Variants in COL23A1 observed in about 807,000 individuals in gnomAD.
COL23A1 encodes the protein collagen alpha-1(XXIII) chain.
COL23A1 carries 97 observed loss-of-function variants against 99.3 expected under a neutral mutation model. That is an observed-to-expected ratio of 0.98 (90% CI 0.83 to 1.16). The LOEUF (loss-of-function observed/expected upper bound fraction) is 1.16, where lower values mean the gene tolerates loss of function less well. Ranked by LOEUF, COL23A1 falls within the 50% of genes most tolerant of loss-of-function variation. The probability of loss-of-function intolerance (pLI) is 0.00; values close to 1 mark genes in which losing one functional copy is unlikely to be tolerated. For missense variants in COL23A1, 762 were observed against 757.4 expected (o/e 1.01, Z -0.07); for synonymous variants, 320 against 308.2 (o/e 1.04, Z -0.40).
At position 178,390,533 on chromosome 5, in the gene COL23A1, C is replaced by G. The variant is rs575051612; in HGVS notation, c.362-83614G>C. ...TGCACAGGACAATGAAGGGCAGAGA[C>G]AGCACAATAGAGACCCCTGCAAGGC... On this transcript the variant is annotated intron_variant, in intron 2 of 28. Transcript: ENST00000390654. Among the ~76,000 whole-genome samples the G allele has an allele frequency of 7.9e-5, 12 of 152,358 alleles. 1 individual carries two copies. The South Asian group carries it at 1.4e-3, about 18-fold the overall frequency.
At chr5:178,465,800 C>A (rs1756385502) in intron 2 of COL23A1, among the ~76,000 whole-genome samples, 1 of 152,214 alleles carries the variant, frequency 6.6e-6, no homozygotes, top group African/African-American at 2.4e-5. Context: ...GGGGATTCAA[C>A]AGCAGTGAGT....
intron 2 of COL23A1, among the ~76,000 whole-genome samples, chr5:178,505,390 C>T (rs1185343808): frequency 6.6e-6 from 1 of 152,066 alleles, no homozygotes; most frequent in Admixed American, 6.6e-5. Context: ...CCTGGGATTA[C>T]AGGCGCACAC....
At chr5:178,419,672 C>T (rs977762933) in intron 2 of COL23A1, among the ~76,000 whole-genome samples, 20 of 152,142 alleles carry the variant, frequency 1.3e-4, no homozygotes, top group African/African-American at 4.3e-4. Context: ...TAAATATGGC[C>T]TGAGAAGGAC....
At chr5:178,397,460 C>G (rs1029665860) in intron 2 of COL23A1, among the ~76,000 whole-genome samples, 1 of 152,164 alleles carries the variant, frequency 6.6e-6, no homozygotes, top group Non-Finnish European at 1.5e-5. Context: ...AACGAAGAAG[C>G]CAAAGTCATC....
intron 2 of COL23A1, among the ~76,000 whole-genome samples, chr5:178,518,474 C>T (rs1389049080): frequency 3.9e-4 from 57 of 145,850 alleles, no homozygotes; most frequent in African/African-American, 8.1e-4. Context: ...TAGGGGCGGC[C>T]GGGCAGAGGC....
At chr5:178,345,008 T>G in intron 2 of COL23A1, 1 of 576,236 alleles carries the variant, frequency 1.7e-6, no homozygotes, top group Non-Finnish European at 3.4e-6. Context: ...TCCACCCTCA[T>G]GAAGCTGAGG....
chr5:178,347,907 AC>A (rs1345389015), intron 2 of COL23A1, among the ~76,000 whole-genome samples: 4 of 150,300 alleles, frequency 2.7e-5, no homozygotes, highest in Non-Finnish European at 4.4e-5. Flanking sequence ...ACCCAAAAAA[AC>A]AAAACAAAAA....
At chr5:178,352,866 C>T (rs144036294) in intron 2 of COL23A1, among the ~76,000 whole-genome samples, 103 of 152,264 alleles carry the variant, frequency 6.8e-4, no homozygotes, top group African/African-American at 2.4e-3. Context: ...CCTCCTCACA[C>T]CGAATATTTT....
intron 2 of COL23A1, among the ~76,000 whole-genome samples, chr5:178,534,195 C>T (rs1477381116): frequency 6.6e-6 from 1 of 152,128 alleles, no homozygotes; most frequent in Non-Finnish European, 1.5e-5. Flanking sequence ...GCCACAGGCT[C>T]AGAGGCCAGT....
intron 2 of COL23A1, among the ~76,000 whole-genome samples, chr5:178,528,851 C>T (rs1222334250): frequency 1.3e-5 from 2 of 152,226 alleles, no homozygotes; most frequent in African/African-American, 4.8e-5. Flanking sequence ...TTGCACTTCT[C>T]CCGAAATGAA....
intron 2 of COL23A1, among the ~76,000 whole-genome samples, chr5:178,370,826 C>T (rs1762760936): frequency 6.6e-6 from 1 of 152,174 alleles, no homozygotes; most frequent in South Asian, 2.1e-4. Flanking sequence ...CCTGCAGTCC[C>T]AGCTACTCAA....
chr5:178,383,002 G>C (rs889914347), intron 2 of COL23A1, among the ~76,000 whole-genome samples: 1 of 152,124 alleles, frequency 6.6e-6, no homozygotes, highest in Non-Finnish European at 1.5e-5. Flanking sequence ...CACCTGTCGG[G>C]GCTGGCTGGG....
At chr5:178,311,237 A>T (rs1466385126) in intron 2 of COL23A1, among the ~76,000 whole-genome samples, 1 of 151,838 alleles carries the variant, frequency 6.6e-6, no homozygotes, top group Non-Finnish European at 1.5e-5. Context: ...ACTGGTGGGG[A>T]AGCTGTGTCT....
In COL23A1 at chr5:178,261,764, A is replaced by G. The variant is rs561902247; in HGVS notation, c.676-16T>C. ...CCTTTGGGCCCTGGAACAAGAGAAGAGAAGGTGTTAAATGTCATACTGGAG... is the reference window on the plus strand; with the variant it reads ...CCTTTGGGCCCTGGAACAAGAGAAGGGAAGGTGTTAAATGTCATACTGGAG... On this transcript the variant is annotated splice_polypyrimidine_tract_variant and intron_variant, in intron 10 of 28. Coordinates refer to ENST00000390654, the MANE Select transcript of COL23A1 (RefSeq NM_173465.4). 1 of 1,601,660 alleles carries G rather than the reference A, an allele frequency of 6.2e-7. No homozygotes were observed. Among genetic ancestry groups the G allele is most frequent in the Non-Finnish European group, 8.6e-7 (1 of 1,168,562 alleles).
At position 178,496,940 on chromosome 5, in the gene COL23A1, T is replaced by C. The variant is rs1291108222; in HGVS notation, c.361+63742A>G. On this transcript the variant is annotated intron_variant, in intron 2 of 28. Transcript: ENST00000390654. ...TGAAACATGGGAGCGTGAGACCTGA[T>C]TTTTAAGGCCCAGTGGCTTCATTGG... Among the ~76,000 whole-genome samples, 3 of 152,192 alleles carry C rather than the reference T, an allele frequency of 2.0e-5. No individual in the cohort carries two copies. The South Asian group carries it at 6.2e-4, about 32-fold the overall frequency.
At position 178,439,947 on chromosome 5, in the gene COL23A1, C is replaced by T. The variant is rs1278877008; in HGVS notation, c.361+120735G>A. 1 of 152,164 alleles carries T rather than the reference C, an allele frequency of 6.6e-6. No homozygotes were observed. Among genetic ancestry groups the T allele is most frequent in the Admixed American group, 6.5e-5 (1 of 15,270 alleles). 9.4% of individuals were successfully genotyped at this position (152,164 alleles called of 1,614,324 possible). ...ACTGGATTGTAGGAGTCCATGTGTACACGGTTTCTAGAAAGGACAAATCTG... is the reference window on the plus strand; with the variant it reads ...ACTGGATTGTAGGAGTCCATGTGTATACGGTTTCTAGAAAGGACAAATCTG... On this transcript the variant is annotated intron_variant, in intron 2 of 28. Coordinates refer to ENST00000390654, the MANE Select transcript of COL23A1 (RefSeq NM_173465.4). This position sits in a 1 kb window ranked among gnomAD's most constrained non-coding sequence, Gnocchi z 4.2.
intron 2 of COL23A1, among the ~76,000 whole-genome samples, chr5:178,327,932 G>T (rs1232014330): frequency 6.6e-6 from 1 of 152,218 alleles, no homozygotes; most frequent in African/African-American, 2.4e-5. Context: ...GGCAAGCCCT[G>T]CTGTGTCTCA....
rs114248848 is a variant in COL23A1 at position 178,453,323 on chromosome 5, G to A, written c.361+107359C>T. Among the ~76,000 whole-genome samples the A allele has an allele frequency of 7.0e-3, 1,061 of 152,300 alleles. 16 individuals are homozygous for A. The highest frequency in any genetic ancestry group is 0.024 in the African/African-American group (998 of 41,558). ...ACACAGTGCAGCCTACTCTAGCCCC[G>A]TGAAGAGATGACCTGGGGGTATCAT... On this transcript the variant is annotated intron_variant, in intron 2 of 28. Transcript: ENST00000390654.
chr5:178,341,509 G>A (rs1760658904), intron 2 of COL23A1, among the ~76,000 whole-genome samples: 1 of 152,186 alleles, frequency 6.6e-6, no homozygotes, highest in African/African-American at 2.4e-5. Flanking sequence ...CCCAGTGAAG[G>A]TTTTGTTTTC....
Sources: gnomAD v4.1 joint callset for allele counts (sites outside exome capture counted in the v4.1 genomes callset) on GRCh38, gnomAD v4.1.1 for gene constraint, Gnocchi (gnomAD v3.1) non-coding constraint, MANE v1.5 for transcripts, NCBI Gene and HGNC (gene_info 2026-07-23, HGNC 2026-07-21) for gene names.